The following AEBP2 variants were observed in gnomAD, a reference collection of about 807,000 sequenced individuals.
AEBP2 encodes AE binding protein 2.
In AEBP2, 10 loss-of-function variants were observed where a neutral mutation model predicts 50.8. The ratio of observed to expected loss-of-function variants is 0.20; its 90% confidence interval spans 0.12 to 0.33. AEBP2 has a LOEUF of 0.33. Ranked by LOEUF, AEBP2 falls within the 10% of genes least tolerant of loss-of-function variation. The pLI is 1.00. For missense variants in AEBP2, 570 were observed against 688.0 expected, an observed-to-expected ratio of 0.83 and a Z score of 1.92; for synonymous variants, 296 against 261.3, an observed-to-expected ratio of 1.13 and a Z score of -1.28.
chr12:19,514,111 T>C (rs528192591), intron 6 of AEBP2, among the ~76,000 whole-genome samples: 1 of 152,014 alleles, frequency 6.6e-6, no homozygotes, highest in Non-Finnish European at 1.5e-5. Context: ...GCGATTCTTG[T>C]GCCTCGTTCT....
chr12:19,483,180 C>T (rs550955412), intron 3 of AEBP2, among the ~76,000 whole-genome samples: 1 of 152,260 alleles, frequency 6.6e-6, no homozygotes, highest in African/African-American at 2.4e-5. Flanking sequence ...TGGCTGTCTT[C>T]TGCTAGTACC....
intron 5 of AEBP2, among the ~76,000 whole-genome samples, chr12:19,501,797 G>GTTTGTTTTTTTTTTTTTTTTTTTT (rs60750234): frequency 1.4e-5 from 1 of 70,870 alleles, no homozygotes; most frequent in African/African-American, 4.9e-5. Context: ...AAATGAGTTT[G>GTTTGTTTTTTTTTTTTTTTTTTTT]TTTTTTTTTT....
At chr12:19,409,693 A>G (rs899375109) in intron 1 of AEBP2, among the ~76,000 whole-genome samples, 4 of 152,206 alleles carry the variant, frequency 2.6e-5, no homozygotes, top group Non-Finnish European at 5.9e-5. Context: ...GATTCTTCAG[A>G]TGGATTTAAT....
intron 5 of AEBP2, among the ~76,000 whole-genome samples, chr12:19,509,963 G>T (rs1949210612): frequency 6.6e-6 from 1 of 150,986 alleles, no homozygotes; most frequent in African/African-American, 2.4e-5. Context: ...CTCCTGAGTA[G>T]CTGGGATTAC....
chr12:19,501,503 G>A (rs566505361), intron 5 of AEBP2, among the ~76,000 whole-genome samples: 15 of 151,744 alleles, frequency 9.9e-5, no homozygotes, highest in Non-Finnish European at 2.1e-4. Context: ...CAGGCATAGT[G>A]GTGTGCACCT....
intron 7 of AEBP2, among the ~76,000 whole-genome samples, chr12:19,516,675 G>A (rs1030563139): frequency 1.3e-5 from 2 of 152,094 alleles, no homozygotes; most frequent in Non-Finnish European, 2.9e-5. Flanking sequence ...TGGAAATGAG[G>A]TTGTTCTTAA....
At chr12:19,409,301 G>A (rs903174120) in intron 1 of AEBP2, among the ~76,000 whole-genome samples, 1 of 151,608 alleles carries the variant, frequency 6.6e-6, no homozygotes, top group African/African-American at 2.4e-5. Flanking sequence ...TTCCCTTTGG[G>A]TCCTAATTAA....
intron 3 of AEBP2, among the ~76,000 whole-genome samples, chr12:19,491,273 A>T (rs1592764032): frequency 6.6e-6 from 1 of 152,306 alleles, no homozygotes. Context: ...TGTAGGTGAA[A>T]ATTCTTGATG....
intron 1 of AEBP2, among the ~76,000 whole-genome samples, chr12:19,443,417 T>G (rs1390638944): frequency 6.6e-6 from 1 of 151,288 alleles, no homozygotes; most frequent in Non-Finnish European, 1.5e-5. Flanking sequence ...TCTTAAGTGC[T>G]ACTTTTAAAA....
chr12:19,468,609 C>T (rs1011673346), intron 2 of AEBP2, among the ~76,000 whole-genome samples: 1 of 152,122 alleles, frequency 6.6e-6, no homozygotes, highest in Admixed American at 6.6e-5. Context: ...TATTATCATA[C>T]AAGCCATTTT....
chr12:19,470,897 A>G (rs1320498414), intron 2 of AEBP2, among the ~76,000 whole-genome samples: 3 of 152,212 alleles, frequency 2.0e-5, no homozygotes, highest in Non-Finnish European at 4.4e-5. Flanking sequence ...TGTTACAGGA[A>G]TGATGTTGAT....
intron 1 of AEBP2, among the ~76,000 whole-genome samples, chr12:19,448,422 T>A (rs7309580): frequency 0.42 from 64,315 of 151,364 alleles, 14,773 homozygotes; most frequent in Non-Finnish European, 0.54. Context: ...GAGGTGGAGG[T>A]TGCAGTGATC....
chr12:19,487,787 T>A (rs1288810897), intron 3 of AEBP2, among the ~76,000 whole-genome samples: 1 of 152,002 alleles, frequency 6.6e-6, no homozygotes, highest in Non-Finnish European at 1.5e-5. Context: ...GGGAAGAGCA[T>A]GTAGTTTCAT....
chr12:19,417,445 C>T (rs1175555912), intron 1 of AEBP2, among the ~76,000 whole-genome samples: 1 of 151,982 alleles, frequency 6.6e-6, no homozygotes, highest in Non-Finnish European at 1.5e-5. Context: ...CTCACTCTGT[C>T]ACCCAGGCTG....
At position 19,439,980 on chromosome 12, in the gene AEBP2, G is replaced by T. The variant is rs1214434641; in HGVS notation, c.281G>T (p.Gly94Val). Residue 94 changes from glycine (G) to valine (V), a missense_variant, in exon 1 of 8, where the codon GGG (glycine) becomes GTG (valine). By Grantham distance (109) the Gly-to-Val change is moderately radical. Coordinates refer to ENST00000266508, the MANE Select transcript of AEBP2 (RefSeq NM_153207.5). ...AGCCCCGAGAGCGCCAGCCAGGCCGGGGAGGACGAAGACGAGGAGGAGGAC... is the reference window on the plus strand; with the variant it reads ...AGCCCCGAGAGCGCCAGCCAGGCCGTGGAGGACGAAGACGAGGAGGAGGAC... Reference protein sequence around the residue: ...EPSPESASQAGEDEDEEEDDE... With the variant: ...EPSPESASQAVEDEDEEEDDE... 1 of 1,524,406 alleles carries T rather than the reference G, an allele frequency of 6.6e-7. No individual in the cohort carries two copies. Among genetic ancestry groups the T allele is most frequent in the East Asian group, 2.6e-5 (1 of 38,380 alleles). 94.4% of individuals were successfully genotyped at this position (1,524,406 alleles called of 1,614,324 possible). A position where few individuals can be genotyped will look rare whatever the true frequency, so the allele number is the denominator to read the frequency against.
intron 4 of AEBP2, among the ~76,000 whole-genome samples, chr12:19,499,363 A>T (rs1949033011): frequency 6.6e-6 from 1 of 152,238 alleles, no homozygotes; most frequent in Admixed American, 6.5e-5. Context: ...CTGTATACCC[A>T]GCACTTTTGG....
At chr12:19,455,612 A>G (rs1183796963) in intron 1 of AEBP2, among the ~76,000 whole-genome samples, 1 of 152,162 alleles carries the variant, frequency 6.6e-6, no homozygotes, top group Non-Finnish European at 1.5e-5. Flanking sequence ...TTAAGACTCA[A>G]AGTTGGGGCT....
At chr12:19,464,578 A>AAATT (rs569262438) in intron 2 of AEBP2, among the ~76,000 whole-genome samples, 1 of 151,250 alleles carries the variant, frequency 6.6e-6, no homozygotes, top group Non-Finnish European at 1.5e-5. Context: ...TATTTTTTTA[A>AAATT]AATTAATTAA....
rs1440038028 is a variant in AEBP2 at position 19,519,127 on chromosome 12, T to TA, written c.*1011dup. ...GAAGCCATATCGATTTTTTTTAACT[T>TA]ACAGAAATGGAAATATGTGTAACTT... is the stretch of plus-strand genomic sequence containing the variant. On this transcript the variant is annotated 3_prime_UTR_variant, in exon 8 of 8. Coordinates refer to ENST00000266508, the MANE Select transcript of AEBP2 (RefSeq NM_153207.5). 1 of 153,020 alleles carries TA rather than the reference T, an allele frequency of 6.5e-6. No individual in the cohort carries two copies. The highest frequency in any genetic ancestry group is 2.4e-5 in the African/African-American group (1 of 41,448). 9.5% of individuals were successfully genotyped at this position (153,020 alleles called of 1,614,324 possible).
Sources: gnomAD v4.1 joint callset for allele counts (sites outside exome capture counted in the v4.1 genomes callset) on GRCh38, gnomAD v4.1.1 for gene constraint, MANE v1.5 for transcripts, NCBI Gene and HGNC (gene_info 2026-07-23, HGNC 2026-07-21) for gene names.